SIGLEC6: variants seen among roughly 807,000 people sequenced by gnomAD.
The protein encoded by SIGLEC6 is sialic acid-binding Ig-like lectin 6.
Under a neutral mutation model 41.4 loss-of-function variants are expected in SIGLEC6, and 31 were observed. The ratio of observed to expected loss-of-function variants is 0.75; its 90% CI spans 0.56 to 1.01. The LOEUF is 1.01. SIGLEC6 is among the 50% of genes least tolerant of loss of function. SIGLEC6 has a pLI of 0.00. For synonymous variants in SIGLEC6, 217 were observed against 231.0 expected, an observed-to-expected ratio of 0.94 and a Z score of 0.55; for missense variants, 555 against 558.6, an observed-to-expected ratio of 0.99 and a Z score of 0.06.
Position 51,518,581 on chromosome 19 carries a change from C to T in SIGLEC6, c.*1501G>A, listed in dbSNP as rs1990686019. On this transcript the variant is annotated 3_prime_UTR_variant, in exon 8 of 8. Transcript: ENST00000425629. ...TCTCGAACTCCTGACCTCCAGTGAT[C>T]CACCCACCTCAGCCTCCCAAAGTGC... 6.6e-6 allele frequency among the ~76,000 whole-genome samples: 1 copy of T among 152,228 alleles called. No homozygotes were observed. Among genetic ancestry groups the T allele is most frequent in the South Asian group, 2.1e-4 (1 of 4,836 alleles).
chr19:51,519,346 A>G lies in SIGLEC6; in HGVS notation c.*736T>C, dbSNP rs1990734578. The stretch of plus-strand genomic sequence containing the variant: ...AGCCAAAGCCAGATACAAGGCATTC[A>G]TTTACAAAAATATACAGACTTTATG... On this transcript the variant is annotated 3_prime_UTR_variant, in exon 8 of 8. Transcript: ENST00000425629. Among the ~76,000 whole-genome samples, 1 of 149,844 alleles carries G rather than the reference A, an allele frequency of 6.7e-6. No individual in the cohort carries two copies. The highest frequency in any genetic ancestry group is 2.1e-4 in the South Asian group (1 of 4,732).
At chr19:51,530,578 G>A in intron 3 of SIGLEC6, 94 bp from the exon 4 acceptor site, 1 of 1,605,010 alleles carries the variant, frequency 6.2e-7, no homozygotes. Flanking sequence ...AGGGAAAGGG[G>A]CTCTCCTCTT....
chr19:51,528,544 A>G (rs1351621111), intron 5 of SIGLEC6: 6 of 453,652 alleles, frequency 1.3e-5, no homozygotes, highest in Non-Finnish European at 2.0e-5. Context: ...GTCTCCCCAC[A>G]ATTCCTATTT....
intron 5 of SIGLEC6, among the ~76,000 whole-genome samples, chr19:51,529,027 GT>G: frequency 7.0e-6 from 1 of 142,816 alleles, no homozygotes; most frequent in Non-Finnish European, 1.5e-5. Flanking sequence ...AAGGGAAAAT[GT>G]GGACACAGAC....
Position 51,520,165 on chromosome 19 carries a change from C to T in SIGLEC6, c.1279G>A (p.Ala427Thr), listed in dbSNP as rs200754981. The part of the protein sequence containing the change: ...ISEDEQELHY[A>T]VLHFHKVQPQ... Reference sequence around the variant, plus strand: ...TGCACCTTGTGGAAGTGTAGGACAGCGTAGTGGAGCTCCTGCTCATCTTCT... The same window carrying T: ...TGCACCTTGTGGAAGTGTAGGACAGTGTAGTGGAGCTCCTGCTCATCTTCT... Residue 427 changes from alanine (A) to threonine (T), a missense_variant, in exon 8 of 8, where the codon GCT becomes ACT. By Grantham distance (58) the Ala-to-Thr change is moderately conservative (BLOSUM62 0). Coordinates refer to ENST00000425629, the MANE Select transcript of SIGLEC6 (RefSeq NM_001245.7). 1.3e-4 allele frequency: 209 copies of T among 1,609,152 alleles called. No homozygotes were observed. The highest frequency in any genetic ancestry group is 1.8e-4 in the East Asian group (8 of 44,780).
In SIGLEC6 at chr19:51,517,909, T is replaced by G. The variant is rs751498847; in HGVS notation, c.*2173A>C. The stretch of plus-strand genomic sequence containing the variant: ...ATTTACACTCTTCTGAACTTTATGT[T>G]ATTATAGTTTCTGGGCTATATAATA... On this transcript the variant is annotated 3_prime_UTR_variant, in exon 8 of 8. Transcript: ENST00000425629. 6.6e-6 allele frequency among the ~76,000 whole-genome samples: 1 copy of G among 152,214 alleles called. No individual in the cohort carries two copies. Among genetic ancestry groups the G allele is most frequent in the Non-Finnish European group, 1.5e-5 (1 of 68,028 alleles).
chr19:51,530,864 C>T lies in SIGLEC6; in HGVS notation c.523G>A (p.Gly175Arg). ...ATCCAGGAGAAGATGGGGGGCGTCCCCTGCTCACAGACCCAGGGCACAGAG... is the reference window on the plus strand; with the variant it reads ...ATCCAGGAGAAGATGGGGGGCGTCCTCTGCTCACAGACCCAGGGCACAGAG... ...TCSVPWVCEQ[G>R]TPPIFSWMSA... Residue 175 changes from glycine to arginine, a missense_variant, in exon 3 of 8, where the codon GGG becomes AGG. Coordinates refer to ENST00000425629, the MANE Select transcript of SIGLEC6 (RefSeq NM_001245.7). The T allele has an allele frequency of 1.2e-6, 2 of 1,613,890 alleles. No individual in the cohort carries two copies. The highest frequency in any genetic ancestry group is 1.7e-4 in the Middle Eastern group (1 of 6,060).
rs185867838 is a variant in SIGLEC6, at chr19:51,520,433, A to G, written c.1189-178T>C. Among the ~76,000 whole-genome samples the G allele has an allele frequency of 2.2e-4, 34 of 152,094 alleles. No individual in the cohort carries two copies. In the East Asian group the frequency reaches 6.0e-3, roughly 27 times the overall value. On this transcript the variant is annotated intron_variant, in intron 7 of 7. Transcript: ENST00000425629. Reference sequence around the variant, plus strand: ...GAGATGGGGTCTCGCTCTGTTGTCCAGGCTGGAGTGCAGCGGCATGATCAC... The same window carrying G: ...GAGATGGGGTCTCGCTCTGTTGTCCGGGCTGGAGTGCAGCGGCATGATCAC...
rs769172304 is a variant in SIGLEC6 at position 51,529,997 on chromosome 19, T to G, written c.755-16A>C. The G allele has an allele frequency of 1.3e-6, 2 of 1,564,040 alleles. No individual in the cohort carries two copies. Among genetic ancestry groups the G allele is most frequent in the Middle Eastern group, 1.7e-4 (1 of 5,778 alleles). On this transcript the variant is annotated splice_polypyrimidine_tract_variant and intron_variant, in intron 4 of 7. Transcript: ENST00000425629. ...ATTTTGAAGGCTTTGGGGAGAGAGG[T>G]GTAGAGAGTTAGAGATGGGGTATAG...
rs534300406 is a variant in SIGLEC6, at chr19:51,523,916, G to A, written c.1189-3661C>T. ...CGGGCACCTGTAATCCCAGCCACTC[G>A]GGAGGCTGAGGCAGGAGAATGGCGT... is the stretch of plus-strand genomic sequence containing the variant. On this transcript the variant is annotated intron_variant, in intron 7 of 7. Coordinates refer to ENST00000425629, the MANE Select transcript of SIGLEC6 (RefSeq NM_001245.7). Among the ~76,000 whole-genome samples the A allele has an allele frequency of 2.7e-3, 417 of 152,238 alleles. 1 individual carries two copies. The highest frequency in any genetic ancestry group is 9.7e-3 in the African/African-American group (405 of 41,540).
At chr19:51,525,461 CCT>C (rs1442350429) in intron 7 of SIGLEC6, among the ~76,000 whole-genome samples, 1 of 152,134 alleles carries the variant, frequency 6.6e-6, no homozygotes, top group Non-Finnish European at 1.5e-5. Context: ...GGTCCCTGCC[CCT>C]GTTATTCCTG....
At chr19:51,530,297 A>G in intron 4 of SIGLEC6, 140 bp downstream of exon 4, 2 of 804,792 alleles carry the variant, frequency 2.5e-6, no homozygotes, top group Non-Finnish European at 3.9e-6. Context: ...AGAGGCGACA[A>G]AGGCTGGGGG....
chr19:51,521,982 G>T (rs370688047), intron 7 of SIGLEC6, among the ~76,000 whole-genome samples: 33 of 152,310 alleles, frequency 2.2e-4, no homozygotes, highest in African/African-American at 7.5e-4. Context: ...TGAAACTGTG[G>T]AGGCAGCAAC....
intron 5 of SIGLEC6, among the ~76,000 whole-genome samples, chr19:51,528,878 G>A (rs953528286): frequency 1.3e-5 from 2 of 151,898 alleles, no homozygotes; most frequent in East Asian, 1.9e-4. Context: ...CTACTCGGGA[G>A]GCTGAGGCAG....
At chr19:51,530,059 C>T in intron 4 of SIGLEC6, 78 bp from the exon 5 acceptor site, 9 of 1,485,008 alleles carry the variant, frequency 6.1e-6, no homozygotes, top group Non-Finnish European at 8.2e-6. Flanking sequence ...CCTGTGGGGT[C>T]CACACTAGCT....
intron 2 of SIGLEC6, 67 bp downstream of exon 2, chr19:51,531,093 C>G: frequency 3.2e-6 from 5 of 1,548,004 alleles, no homozygotes; most frequent in East Asian, 2.3e-5. Flanking sequence ...ACGGGGCTCC[C>G]GTCCCAGCCC....
At chr19:51,531,092 C>T (rs1980245921) in intron 2 of SIGLEC6, 68 bp downstream of exon 2, 1 of 1,548,884 alleles carries the variant, frequency 6.5e-7, no homozygotes, top group Non-Finnish European at 8.7e-7. Flanking sequence ...GACGGGGCTC[C>T]CGTCCCAGCC....
At position 51,529,947 on chromosome 19, in the gene SIGLEC6, A is replaced by C; in HGVS notation, c.789T>G (p.Pro263=). ...FKILQNTSSL[P]VLEGQALRLL... Reference sequence around the variant, plus strand: ...GCCGCAGAGCCTGGCCCTCCAGGACAGGGAGGGACGAGGTGTTTTGCAGGA... The same window carrying C: ...GCCGCAGAGCCTGGCCCTCCAGGACCGGGAGGGACGAGGTGTTTTGCAGGA... Residue 263 remains proline, a synonymous_variant, in exon 5 of 8, where the codon CCT becomes CCG. Transcript: ENST00000425629. The C allele has an allele frequency of 6.2e-7, 1 of 1,606,800 alleles. No individual in the cohort carries two copies. The highest frequency in any genetic ancestry group is 8.5e-7 in the Non-Finnish European group (1 of 1,175,788).
chr19:51,524,384 T>C (rs893791231), intron 7 of SIGLEC6, among the ~76,000 whole-genome samples: 3 of 152,122 alleles, frequency 2.0e-5, no homozygotes, highest in African/African-American at 7.2e-5. Flanking sequence ...TTACCAGAAA[T>C]AAAGACATTT....
Sources: allele counts gnomAD v4.1 joint callset (sites outside exome capture counted in the v4.1 genomes callset), GRCh38; gene constraint gnomAD v4.1.1; transcripts MANE v1.5; gene names NCBI Gene and HGNC (gene_info 2026-07-23, HGNC 2026-07-21).